DLGAP1: variants seen among roughly 807,000 people sequenced by gnomAD.
DLGAP1 encodes the protein disks large-associated protein 1.
DLGAP1 carries 11 observed loss-of-function variants against 90.8 expected under a neutral mutation model. The ratio of observed to expected loss-of-function variants is 0.12; its 90% CI spans 0.08 to 0.20. The LOEUF (loss-of-function observed/expected upper bound fraction) is 0.20, where lower values mean the gene tolerates loss of function less well. Ranked by LOEUF, DLGAP1 falls within the 10% of genes least tolerant of loss-of-function variation. The probability of loss-of-function intolerance (pLI) is 1.00; values close to 1 mark genes in which losing one functional copy is unlikely to be tolerated. For synonymous variants in DLGAP1, 558 were observed against 540.7 expected (o/e 1.03, Z -0.44); for missense variants, 1,050 against 1,333.8 (o/e 0.79, Z 3.31).
chr18:4,061,473 A>AT (rs1314065576), intron 2 of DLGAP1, among the ~76,000 whole-genome samples: 15 of 152,018 alleles, frequency 9.9e-5, no homozygotes, highest in African/African-American at 2.9e-4. Flanking sequence ...AAAGTACAAC[A>AT]TTTTTTTTGA....
chr18:3,578,682 T>A (rs1404906037), intron 8 of DLGAP1, among the ~76,000 whole-genome samples: 1 of 150,876 alleles, frequency 6.6e-6, no homozygotes, highest in African/African-American at 2.4e-5. Flanking sequence ...TTATTCTCCA[T>A]CAAAGAAGTA....
chr18:4,259,001 A>G (rs1453247656), intron 1 of DLGAP1, among the ~76,000 whole-genome samples: 1 of 152,184 alleles, frequency 6.6e-6, no homozygotes, highest in Non-Finnish European at 1.5e-5. Flanking sequence ...ATGCTTTTAC[A>G]TTATTTTATA....
intron 1 of DLGAP1, among the ~76,000 whole-genome samples, chr18:4,405,734 T>A (rs2082649070): frequency 6.6e-6 from 1 of 152,180 alleles, no homozygotes; most frequent in Non-Finnish European, 1.5e-5. Context: ...AAGACAAAGA[T>A]GGGTCCAGGG....
intron 7 of DLGAP1, among the ~76,000 whole-genome samples, chr18:3,706,789 T>C (rs918502819): frequency 6.6e-6 from 1 of 151,664 alleles, no homozygotes; most frequent in Non-Finnish European, 1.5e-5. Context: ...GTTGACTTAC[T>C]AGGGGCAAGT....
intron 2 of DLGAP1, among the ~76,000 whole-genome samples, chr18:4,129,994 T>G (rs1261001530): frequency 6.6e-6 from 1 of 152,190 alleles, no homozygotes; most frequent in Non-Finnish European, 1.5e-5. Context: ...TTATATTTTC[T>G]TAGAAAAACT....
intron 1 of DLGAP1, among the ~76,000 whole-genome samples, chr18:4,262,204 T>G (rs2079017293): frequency 6.6e-6 from 1 of 152,242 alleles, no homozygotes; most frequent in African/African-American, 2.4e-5. Flanking sequence ...AAGCTTTTGC[T>G]GCAGAGAAGC....
intron 4 of DLGAP1, among the ~76,000 whole-genome samples, chr18:3,849,329 G>A (rs942010012): frequency 6.6e-6 from 1 of 152,106 alleles, no homozygotes; most frequent in Non-Finnish European, 1.5e-5. Flanking sequence ...ACTCACCTAA[G>A]GTTGAGTCTC....
chr18:3,519,237 A>T (rs2144099197), intron 10 of DLGAP1, among the ~76,000 whole-genome samples: 1 of 152,320 alleles, frequency 6.6e-6, no homozygotes, highest in African/African-American at 2.4e-5. Flanking sequence ...TGGCAAAACA[A>T]GGTCCACCTT....
chr18:4,166,610 C>G lies in DLGAP1; in HGVS notation c.-266-15323G>C, dbSNP rs2090838. ...ACAGATATTTGTATACTACTGTTCA[C>G]AGCAGCATTAATTCACCGTAGCCAA... On this transcript the variant is annotated intron_variant, in intron 1 of 12. Transcript: ENST00000315677. Among the ~76,000 whole-genome samples the G allele has an allele frequency of 6.1e-4, 93 of 152,292 alleles. 2 individuals carry two copies. Among genetic ancestry groups the G allele is most frequent in the Middle Eastern group, 3.4e-3 (1 of 294 alleles).
chr18:3,621,479 C>A lies in DLGAP1; in HGVS notation c.1592-39231G>T, dbSNP rs368357749. On this transcript the variant is annotated intron_variant, in intron 7 of 12. Coordinates refer to ENST00000315677, the MANE Select transcript of DLGAP1 (RefSeq NM_004746.4). The stretch of plus-strand genomic sequence containing the variant: ...CTGTACATAGTGAACTATATACAAC[C>A]TAAATGGAGGTATAAACCCACTGTA... 2.0e-5 allele frequency among the ~76,000 whole-genome samples: 3 copies of A among 152,280 alleles called. No individual in the cohort carries two copies. In the East Asian group the frequency reaches 5.8e-4, roughly 29 times the overall value.
intron 1 of DLGAP1, among the ~76,000 whole-genome samples, chr18:4,444,716 T>C (rs1308851275): frequency 2.0e-5 from 3 of 152,198 alleles, no homozygotes; most frequent in Admixed American, 2.0e-4. Context: ...TACTTTGATG[T>C]AAAAAGATGG....
At chr18:3,562,621 T>C (rs1599255687) in intron 9 of DLGAP1, among the ~76,000 whole-genome samples, 1 of 145,644 alleles carries the variant, frequency 6.9e-6, no homozygotes, top group African/African-American at 2.6e-5. Context: ...CTCGGCTCAC[T>C]GCAGCTTCCA....
intron 2 of DLGAP1, among the ~76,000 whole-genome samples, chr18:4,043,270 T>A (rs2075002587): frequency 6.6e-6 from 1 of 152,234 alleles, no homozygotes; most frequent in Non-Finnish European, 1.5e-5. Flanking sequence ...GGCTGGACCT[T>A]ATGCAAATGT....
At chr18:3,599,394 A>G (rs1380696057) in intron 7 of DLGAP1, among the ~76,000 whole-genome samples, 1 of 152,182 alleles carries the variant, frequency 6.6e-6, no homozygotes, top group African/African-American at 2.4e-5. Flanking sequence ...GTCTGCAGGG[A>G]GAGGTGGCAT....
At chr18:4,095,444 C>T (rs1322068970) in intron 2 of DLGAP1, among the ~76,000 whole-genome samples, 1 of 151,972 alleles carries the variant, frequency 6.6e-6, no homozygotes, top group Non-Finnish European at 1.5e-5. Flanking sequence ...TTCTAGTGAT[C>T]TGGAAACAGG....
chr18:3,867,860 CTTGATGGCTTGTTCAG>C, intron 4 of DLGAP1, among the ~76,000 whole-genome samples: 1 of 152,258 alleles, frequency 6.6e-6, no homozygotes, highest in African/African-American at 2.4e-5. Flanking sequence ...ATGAGACACA[CTTGATGGCTTGTTCAG>C]TTCATGAGAT....
chr18:3,773,507 C>A (rs1373612434), intron 5 of DLGAP1, among the ~76,000 whole-genome samples: 1 of 152,122 alleles, frequency 6.6e-6, no homozygotes, highest in Non-Finnish European at 1.5e-5. Context: ...TATTGTTATT[C>A]ATGCAAGAAT....
rs187737182 is a variant in DLGAP1, at chr18:4,308,837, C to A, written c.-267+146169G>T. Among the ~76,000 whole-genome samples, 20 of 152,260 alleles carry A rather than the reference C, an allele frequency of 1.3e-4. No homozygotes were observed. In the East Asian group the frequency reaches 3.3e-3, roughly 25 times the overall value. ...ACCCTTTGCCAAATAAAATGAACTT[C>A]ATCTTTTAAAAGCTCCAGCCAAGCT... On this transcript the variant is annotated intron_variant, in intron 1 of 12. Coordinates refer to ENST00000315677, the MANE Select transcript of DLGAP1 (RefSeq NM_004746.4).
At chr18:4,392,710 T>C (rs1014067397) in intron 1 of DLGAP1, among the ~76,000 whole-genome samples, 6 of 151,758 alleles carry the variant, frequency 4.0e-5, no homozygotes, top group Non-Finnish European at 8.8e-5. Context: ...CATCATTTTA[T>C]ATCCCTAGGC....
Sources: allele counts gnomAD v4.1 joint callset (sites outside exome capture counted in the v4.1 genomes callset), GRCh38; gene constraint gnomAD v4.1.1; transcripts MANE v1.5; gene names NCBI Gene and HGNC (gene_info 2026-07-23, HGNC 2026-07-21).